CINP: variants seen among roughly 807,000 people sequenced by gnomAD.
CINP encodes the protein cyclin dependent kinase 2 interacting protein.
A neutral mutation model predicts 20.5 loss-of-function variants in CINP; 11 were observed. The ratio of observed to expected loss-of-function variants is 0.54; its 90% confidence interval spans 0.34 to 0.89. The LOEUF (loss-of-function observed/expected upper bound fraction) is 0.89, where lower values mean the gene tolerates loss of function less well. Ranked by LOEUF, CINP falls within the 40% of genes least tolerant of loss-of-function variation. The probability of loss-of-function intolerance (pLI) is 0.02; values close to 1 mark genes in which losing one functional copy is unlikely to be tolerated. For synonymous variants in CINP, 108 were observed against 102.1 expected (o/e 1.06, Z -0.35); for missense variants, 213 against 251.0 (o/e 0.85, Z 1.02).
Position 102,351,565 on chromosome 14 carries a change from C to T in CINP, c.307-1517G>A, listed in dbSNP as rs1886872963. 1.3e-5 allele frequency among the ~76,000 whole-genome samples: 2 copies of T among 152,024 alleles called. No homozygotes were observed. Among genetic ancestry groups the T allele is most frequent in the Non-Finnish European group, 2.9e-5 (2 of 67,988 alleles). On this transcript the variant is annotated intron_variant, in intron 3 of 4. Coordinates refer to ENST00000216756, the MANE Select transcript of CINP (RefSeq NM_032630.3). The surrounding 1 kb of genome is among the most constrained non-coding windows in gnomAD (Gnocchi z 4.2). ...TCCTAAGTATAGTTGACTTTACATA[C>T]ATAAATATGAAAAAGGGGAAATAAG...
At chr14:102,356,927 C>A (rs751813365) in intron 2 of CINP, among the ~76,000 whole-genome samples, 9 of 152,162 alleles carry the variant, frequency 5.9e-5, no homozygotes, top group Non-Finnish European at 1.2e-4. Flanking sequence ...ATACTGAAAT[C>A]AACCCAATTA....
At position 102,351,459 on chromosome 14, in the gene CINP, T is replaced by G. The variant is rs1488653543; in HGVS notation, c.307-1411A>C. Among the ~76,000 whole-genome samples, 1 of 152,026 alleles carries G rather than the reference T, an allele frequency of 6.6e-6. No individual in the cohort carries two copies. Among genetic ancestry groups the G allele is most frequent in the East Asian group, 1.9e-4 (1 of 5,184 alleles). ...GCACCTACTTGGAGATATATAAGGG[T>G]TGGATAAAGAAAATTAATGGGTGAA... On this transcript the variant is annotated intron_variant, in intron 3 of 4. Transcript: ENST00000216756. The surrounding 1 kb of genome is among the most constrained non-coding windows in gnomAD (Gnocchi z 4.2).
intron 1 of CINP, among the ~76,000 whole-genome samples, chr14:102,362,051 T>G (rs985403805): frequency 6.6e-6 from 1 of 152,178 alleles, no homozygotes; most frequent in Admixed American, 6.5e-5. Context: ...CTTCCACACA[T>G]AGGAGGCTTT....
chr14:102,354,120 T>C lies in CINP; in HGVS notation c.306+1648A>G, dbSNP rs79891595. Among the ~76,000 whole-genome samples, 939 of 152,324 alleles carry C rather than the reference T, an allele frequency of 6.2e-3. 10 individuals are homozygous for C. The highest frequency in any genetic ancestry group is 0.022 in the African/African-American group (899 of 41,574). On this transcript the variant is annotated intron_variant, in intron 3 of 4. Coordinates refer to ENST00000216756, the MANE Select transcript of CINP (RefSeq NM_032630.3). The stretch of plus-strand genomic sequence containing the variant: ...AAAATATAAAGATCTTAAATGTTTA[T>C]GGGTAAGCTTCAGTTATCCAAGTTC...
chr14:102,361,124 GAGA>G lies in CINP; in HGVS notation c.8-1540_8-1538del, dbSNP rs1887133812. Among the ~76,000 whole-genome samples the G allele has an allele frequency of 9.9e-5, 15 of 152,268 alleles. No individual in the cohort carries two copies. In the South Asian group the frequency reaches 3.1e-3, roughly 32 times the overall value. ...GGGTCTTGTGTTAGTGTGATCCCCT[GAGA>G]AGGTGTCGTTTAGGCTGAGATTTGA... On this transcript the variant is annotated intron_variant, in intron 1 of 4. Transcript: ENST00000216756.
At chr14:102,350,599 C>A (rs1342894740) in intron 3 of CINP, among the ~76,000 whole-genome samples, 1 of 151,994 alleles carries the variant, frequency 6.6e-6, no homozygotes, top group African/African-American at 2.4e-5. Flanking sequence ...AGCAATCCTC[C>A]CGCCTCAGCC....
rs11544425 is a variant in CINP, at chr14:102,348,354, G to C, written c.*203C>G. 9.5e-3 allele frequency: 5,476 copies of C among 577,832 alleles called. 32 individuals are homozygous for C. The highest frequency in any genetic ancestry group is 0.012 in the Non-Finnish European group (3,855 of 324,026). The allele number at this position is 577,832 out of a possible 1,614,324, so 35.8% of individuals were successfully genotyped here. On this transcript the variant is annotated 3_prime_UTR_variant, in exon 5 of 5. Transcript: ENST00000216756. Reference sequence around the variant, plus strand: ...CAGATTCCCAGGAGGGGCAGAGAAGGCTGAGCAGCACCACGTGGGGCTGGC... The same window carrying C: ...CAGATTCCCAGGAGGGGCAGAGAAGCCTGAGCAGCACCACGTGGGGCTGGC...
chr14:102,357,607 GC>G (rs1887027235), intron 2 of CINP, among the ~76,000 whole-genome samples: 2 of 152,142 alleles, frequency 1.3e-5, no homozygotes, highest in Non-Finnish European at 2.9e-5. Flanking sequence ...TTAAGTCAAA[GC>G]CTAATCCACA....
intron 2 of CINP, among the ~76,000 whole-genome samples, chr14:102,358,805 C>T (rs906408173): frequency 6.6e-6 from 1 of 152,100 alleles, no homozygotes; most frequent in African/African-American, 2.4e-5. Context: ...TCCATATCAG[C>T]TAGGTAATGT....
intron 3 of CINP, chr14:102,355,521 A>G: frequency 5.3e-6 from 2 of 377,218 alleles, no homozygotes; most frequent in Non-Finnish European, 9.5e-6. Context: ...TATCATGGAA[A>G]AAAAAAAAAA....
intron 1 of CINP, 78 bp from the exon 2 acceptor site, chr14:102,359,665 T>G: frequency 2.8e-6 from 3 of 1,083,214 alleles, no homozygotes; most frequent in Non-Finnish European, 4.0e-6. Context: ...CCTTATAATT[T>G]TCAACAGTAA....
intron 3 of CINP, 81 bp downstream of exon 3, chr14:102,355,687 G>T: frequency 6.6e-7 from 1 of 1,512,942 alleles, no homozygotes; most frequent in South Asian, 1.2e-5. Context: ...GTAAGTGATG[G>T]CCAATGGTCA....
chr14:102,356,383 C>T (rs965132524), intron 2 of CINP, among the ~76,000 whole-genome samples: 13 of 151,214 alleles, frequency 8.6e-5, no homozygotes, highest in African/African-American at 2.9e-4. Context: ...AGCACCACTG[C>T]ACTCAGCCTG....
intron 3 of CINP, among the ~76,000 whole-genome samples, chr14:102,350,767 C>T (rs1382568421): frequency 6.6e-6 from 1 of 150,980 alleles, no homozygotes; most frequent in Non-Finnish European, 1.5e-5. Context: ...CTCTCTGTCT[C>T]TCTATCAAAT....
At chr14:102,360,797 G>A (rs2098227440) in intron 1 of CINP, among the ~76,000 whole-genome samples, 1 of 152,094 alleles carries the variant, frequency 6.6e-6, no homozygotes, top group Admixed American at 6.6e-5. Context: ...ATCAGAGCTG[G>A]CTCTGTACAA....
chr14:102,356,401 G>C (rs940045167), intron 2 of CINP, among the ~76,000 whole-genome samples: 1 of 150,620 alleles, frequency 6.6e-6, no homozygotes, highest in Non-Finnish European at 1.5e-5. Flanking sequence ...CTGCACAAAA[G>C]AGCAAGACTG....
At chr14:102,362,721 AGACAGAG>A in intron 1 of CINP, 117 bp downstream of exon 1, 1 of 1,318,822 alleles carries the variant, frequency 7.6e-7, no homozygotes, top group Non-Finnish European at 1.1e-6. Context: ...GGCTGGGGTA[AGACAGAG>A]GACCTCCATT....
Position 102,359,511 on chromosome 14 carries a change from A to C in CINP, c.84T>G (p.Ala28=). The C allele has an allele frequency of 6.2e-7, 1 of 1,613,526 alleles. No individual in the cohort carries two copies. The highest frequency in any genetic ancestry group is 8.5e-7 in the Non-Finnish European group (1 of 1,179,686). The part of the protein sequence containing the change: ...VSARKIKDNA[A]DWHNLILKWE... ...ACTTCAGGATTAAATTGTGCCAATC[A>C]GCCGCATTGTCCTTAATTTTTCTTG... Residue 28 remains alanine, a synonymous_variant, in exon 2 of 5, where the codon GCT becomes GCG. Coordinates refer to ENST00000216756, the MANE Select transcript of CINP (RefSeq NM_032630.3).
In CINP at chr14:102,362,860, C is replaced by T. The variant is rs1243657806; in HGVS notation, c.-9G>A. ...TCTCACGCACCTTCCATAAGGTCCA[C>T]AGATATCCGTAGAAGGAGACGCGAA... On this transcript the variant is annotated 5_prime_UTR_variant, in exon 1 of 5. The change creates a new upstream start codon in the 5' untranslated region. Coordinates refer to ENST00000216756, the MANE Select transcript of CINP (RefSeq NM_032630.3). 23 of 1,614,032 alleles carry T rather than the reference C, an allele frequency of 1.4e-5. No homozygotes were observed. Among genetic ancestry groups the T allele is most frequent in the Non-Finnish European group, 1.9e-5 (23 of 1,179,978 alleles).
Sources: gnomAD v4.1 joint callset for allele counts (sites outside exome capture counted in the v4.1 genomes callset) on GRCh38, gnomAD v4.1.1 for gene constraint, Gnocchi (gnomAD v3.1) non-coding constraint, MANE v1.5 for transcripts, NCBI Gene and HGNC (gene_info 2026-07-23, HGNC 2026-07-21) for gene names.